CA10: variants seen among roughly 807,000 people sequenced by gnomAD.
CA10 encodes carbonic anhydrase 10 (inactive), also known as carbonic anhydrase-related protein 10.
CA10 carries 14 observed loss-of-function variants against 44.2 expected under a neutral mutation model. The observed-to-expected ratio is 0.32, with a 90% confidence interval of 0.21 to 0.50. The LOEUF is 0.50. Ranked by LOEUF, CA10 falls within the 20% of genes least tolerant of loss-of-function variation. The pLI is 0.99. For missense variants in CA10, 350 were observed against 409.7 expected, an observed-to-expected ratio of 0.85 and a Z score of 1.26; for synonymous variants, 159 against 141.6, an observed-to-expected ratio of 1.12 and a Z score of -0.87.
At chr17:51,876,108 T>G (rs765183531) in intron 3 of CA10, among the ~76,000 whole-genome samples, 1 of 151,314 alleles carries the variant, frequency 6.6e-6, no homozygotes, top group African/African-American at 2.4e-5. Flanking sequence ...AATGCAGCTA[T>G]AAACATTCAT....
In CA10 at chr17:51,636,947, T is replaced by C. The variant is rs931721804; in HGVS notation, c.635-938A>G. Among the ~76,000 whole-genome samples, 5 of 152,088 alleles carry C rather than the reference T, an allele frequency of 3.3e-5. No individual in the cohort carries two copies. In the East Asian group the frequency reaches 5.8e-4, roughly 18 times the overall value. On this transcript the variant is annotated intron_variant, in intron 6 of 8. Transcript: ENST00000451037. ...TGACATAAGTACATCACAGACTATA[T>C]GGAAAAAAGAAAAAACAATTTCAGT... is the stretch of plus-strand genomic sequence containing the variant.
chr17:51,916,186 T>C (rs749946118), intron 3 of CA10, among the ~76,000 whole-genome samples: 1 of 152,182 alleles, frequency 6.6e-6, no homozygotes, highest in Non-Finnish European at 1.5e-5. Flanking sequence ...GGTTGTGAAA[T>C]AGCCCAGGAC....
At chr17:51,828,797 A>G (rs925223718) in intron 3 of CA10, among the ~76,000 whole-genome samples, 1 of 152,200 alleles carries the variant, frequency 6.6e-6, no homozygotes, top group African/African-American at 2.4e-5. Context: ...TCTTTCAAAG[A>G]TTTACTGGTA....
At chr17:51,824,418 T>C (rs1235256800) in intron 3 of CA10, among the ~76,000 whole-genome samples, 1 of 152,156 alleles carries the variant, frequency 6.6e-6, no homozygotes, top group Admixed American at 6.5e-5. Flanking sequence ...GCACCAACAT[T>C]CAATAATCAA....
intron 3 of CA10, among the ~76,000 whole-genome samples, chr17:51,908,058 G>A (rs1316164111): frequency 6.6e-6 from 1 of 152,172 alleles, no homozygotes; most frequent in Non-Finnish European, 1.5e-5. Flanking sequence ...GAAGGGCTGG[G>A]ATCAGACCCA....
At chr17:51,944,410 G>T (rs73987323) in intron 2 of CA10, among the ~76,000 whole-genome samples, 1 of 152,106 alleles carries the variant, frequency 6.6e-6, no homozygotes, top group Non-Finnish European at 1.5e-5. Flanking sequence ...CTCACCTTAT[G>T]GGAAGAGAGT....
chr17:51,966,295 ACAGATT>A (rs1386184924), intron 2 of CA10, among the ~76,000 whole-genome samples: 1 of 151,998 alleles, frequency 6.6e-6, no homozygotes, highest in African/African-American at 2.4e-5. Context: ...AGTGCAATCT[ACAGATT>A]CAATTTTATT....
intron 3 of CA10, among the ~76,000 whole-genome samples, chr17:51,803,467 C>G (rs913858916): frequency 4.6e-5 from 7 of 152,292 alleles, no homozygotes; most frequent in Admixed American, 4.6e-4. Context: ...AGTCTCTCTC[C>G]TAGACTTGCA....
At chr17:51,940,975 T>C (rs16950849) in intron 2 of CA10, among the ~76,000 whole-genome samples, 6,094 of 152,232 alleles carry the variant, frequency 0.04, 316 homozygotes, top group African/African-American at 0.12. Flanking sequence ...CACCAAGTCA[T>C]GGAGTATGCC....
In CA10 at chr17:51,747,823, A is replaced by C; in HGVS notation, c.280-5T>G. ...GTTGTACATGGTCCCACTGACCTGCAAGGCAATTAGCAACAGGTCAAGCAA... is the reference window on the plus strand; with the variant it reads ...GTTGTACATGGTCCCACTGACCTGCCAGGCAATTAGCAACAGGTCAAGCAA... On this transcript the variant is annotated splice_region_variant and splice_polypyrimidine_tract_variant and intron_variant, in intron 3 of 8. Coordinates refer to ENST00000451037, the MANE Select transcript of CA10 (RefSeq NM_020178.5). 1 of 1,605,168 alleles carries C rather than the reference A, an allele frequency of 6.2e-7. No individual in the cohort carries two copies. The highest frequency in any genetic ancestry group is 8.5e-7 in the Non-Finnish European group (1 of 1,175,452).
intron 2 of CA10, among the ~76,000 whole-genome samples, chr17:52,043,199 C>T (rs1170728197): frequency 1.3e-5 from 2 of 151,998 alleles, no homozygotes; most frequent in Non-Finnish European, 2.9e-5. Flanking sequence ...AACGTTAATC[C>T]TTCCAATTCA....
chr17:52,043,016 A>C (rs1190570090), intron 2 of CA10, among the ~76,000 whole-genome samples: 2 of 151,996 alleles, frequency 1.3e-5, no homozygotes, highest in African/African-American at 4.8e-5. Context: ...ATAGCTTGAA[A>C]TCAGGAAGTG....
At chr17:52,122,345 A>G (rs1989031232) in intron 1 of CA10, among the ~76,000 whole-genome samples, 1 of 152,274 alleles carries the variant, frequency 6.6e-6, no homozygotes, top group South Asian at 2.1e-4. Context: ...CAGCAGTACC[A>G]TAATGAGCCA....
At chr17:51,641,671 C>G (rs973309656) in intron 6 of CA10, among the ~76,000 whole-genome samples, 5 of 152,080 alleles carry the variant, frequency 3.3e-5, no homozygotes, top group Non-Finnish European at 7.4e-5. Flanking sequence ...ATACTGAGTT[C>G]TTAGTCGTGG....
At chr17:51,952,723 C>T (rs1458485061) in intron 2 of CA10, among the ~76,000 whole-genome samples, 1 of 151,980 alleles carries the variant, frequency 6.6e-6, no homozygotes, top group Non-Finnish European at 1.5e-5. Context: ...ATGTCTTATC[C>T]AGGGTTACCT....
At chr17:52,093,131 T>C (rs1988313060) in intron 1 of CA10, among the ~76,000 whole-genome samples, 1 of 152,182 alleles carries the variant, frequency 6.6e-6, no homozygotes. Flanking sequence ...CATATATGTA[T>C]ATATGTGTAG....
At chr17:51,836,504 G>A (rs1214911445) in intron 3 of CA10, among the ~76,000 whole-genome samples, 3 of 152,196 alleles carry the variant, frequency 2.0e-5, no homozygotes, top group Admixed American at 6.5e-5. Context: ...TAAGGGCAGA[G>A]GTACCACAGC....
rs1289904869 is a variant in CA10 at position 51,830,394 on chromosome 17, T to G, written c.280-82576A>C. The stretch of plus-strand genomic sequence containing the variant: ...AATCTCTTTTTCTCTCTCTCTCAGA[T>G]GTACCTGATTTAGAAAAAGTATTGG... On this transcript the variant is annotated intron_variant, in intron 3 of 8. Coordinates refer to ENST00000451037, the MANE Select transcript of CA10 (RefSeq NM_020178.5). Among the ~76,000 whole-genome samples, 4 of 151,962 alleles carry G rather than the reference T, an allele frequency of 2.6e-5. No individual in the cohort carries two copies. In the East Asian group the frequency reaches 7.7e-4, roughly 29 times the overall value.
intron 3 of CA10, among the ~76,000 whole-genome samples, chr17:51,886,314 C>A (rs899902385): frequency 2.0e-5 from 3 of 152,164 alleles, no homozygotes; most frequent in Non-Finnish European, 2.9e-5. Flanking sequence ...AATTCCCTCC[C>A]ACAATGTAAT....
Sources: allele counts gnomAD v4.1 joint callset (sites outside exome capture counted in the v4.1 genomes callset), GRCh38; gene constraint gnomAD v4.1.1; transcripts MANE v1.5; gene names NCBI Gene and HGNC (gene_info 2026-07-23, HGNC 2026-07-21).